The following SLC24A2 variants were observed in gnomAD, a reference collection of about 807,000 sequenced individuals.
The protein encoded by SLC24A2 is sodium/potassium/calcium exchanger 2.
SLC24A2 carries 36 observed loss-of-function variants against 62.0 expected under a neutral mutation model. The ratio of observed to expected loss-of-function variants is 0.58; its 90% CI spans 0.44 to 0.77. The LOEUF is 0.77. Among genes scored for constraint, SLC24A2 ranks in the 30% least tolerant of loss-of-function variants. SLC24A2 has a pLI of 0.00. For missense variants in SLC24A2, 846 were observed against 817.9 expected (o/e 1.03, Z -0.42); for synonymous variants, 358 against 294.0 (o/e 1.22, Z -2.23).
the SLC24A2 span, among the ~76,000 whole-genome samples, chr9:20,047,633 C>T: frequency 7.1e-6 from 1 of 141,340 alleles, no homozygotes; most frequent in South Asian, 2.4e-4. Context: ...CTGGTGACAG[C>T]CCACTACCTC....
At chr9:19,932,057 G>A in the SLC24A2 span, among the ~76,000 whole-genome samples, 4 of 151,922 alleles carry the variant, frequency 2.6e-5, no homozygotes, top group East Asian at 1.9e-4. Context: ...TCATGTATTC[G>A]CATACCACAA....
chr9:19,759,423 T>G (rs535423593), intron 2 of SLC24A2, among the ~76,000 whole-genome samples: 6 of 152,332 alleles, frequency 3.9e-5, no homozygotes, highest in African/African-American at 1.4e-4. Context: ...TGCCAGCTTT[T>G]CAACTGCAAA....
the SLC24A2 span, among the ~76,000 whole-genome samples, chr9:19,893,748 C>T: frequency 5.9e-5 from 9 of 152,124 alleles, no homozygotes; most frequent in African/African-American, 2.2e-4. Flanking sequence ...GACAGGAACA[C>T]AAGATTGGCT....
At chr9:20,214,720 A>T in the SLC24A2 span, among the ~76,000 whole-genome samples, 7 of 152,194 alleles carry the variant, frequency 4.6e-5, no homozygotes, top group Admixed American at 1.3e-4. Flanking sequence ...TGCTGTTATC[A>T]TTTGTCTTCC....
the SLC24A2 span, among the ~76,000 whole-genome samples, chr9:20,048,798 A>G: frequency 6.6e-6 from 1 of 151,978 alleles, no homozygotes; most frequent in Non-Finnish European, 1.5e-5. Flanking sequence ...TAAGTAGCAA[A>G]ACCAAAGTTT....
rs376027801 is a variant in SLC24A2, at chr9:19,619,549, C to A, written c.1078+35G>T. 3 of 1,521,372 alleles carry A rather than the reference C, an allele frequency of 2.0e-6. No homozygotes were observed. In the African/African-American group the frequency reaches 4.1e-5, roughly 21 times the overall value. The allele number at this position is 1,521,372 out of a possible 1,614,324, so 94.2% of individuals were successfully genotyped here. On this transcript the variant is annotated intron_variant, in intron 4 of 10. Transcript: ENST00000341998. ...GAAGCCTTTTGGCATCCTTTTCCCC[C>A]CAAACAAGTTCCCAAACCAAAGCTT... is the stretch of plus-strand genomic sequence containing the variant.
chr9:20,191,180 G>A, the SLC24A2 span, among the ~76,000 whole-genome samples: 2 of 149,684 alleles, frequency 1.3e-5, no homozygotes, highest in Non-Finnish European at 3.0e-5. Context: ...TTTTTTGCAG[G>A]ACAGACAAGA....
At position 19,728,397 on chromosome 9, in the gene SLC24A2, A is replaced by T. The variant is rs144327735; in HGVS notation, c.930+57540T>A. Among the ~76,000 whole-genome samples, 740 of 152,226 alleles carry T rather than the reference A, an allele frequency of 4.9e-3. 6 individuals are homozygous for T. Among genetic ancestry groups the T allele is most frequent in the African/African-American group, 0.017 (713 of 41,546 alleles). ...ATCTCATAAATTCAGGCAAATGGGCATTAAGGGGACTAAGCTGGCTGTTCT... is the reference window on the plus strand; with the variant it reads ...ATCTCATAAATTCAGGCAAATGGGCTTTAAGGGGACTAAGCTGGCTGTTCT... On this transcript the variant is annotated intron_variant, in intron 2 of 10. Transcript: ENST00000341998.
chr9:19,889,058 C>G, the SLC24A2 span, among the ~76,000 whole-genome samples: 1 of 152,162 alleles, frequency 6.6e-6, no homozygotes, highest in African/African-American at 2.4e-5. Flanking sequence ...TCAGTGTGAG[C>G]TAGCACAGTA....
the SLC24A2 span, among the ~76,000 whole-genome samples, chr9:20,107,846 G>A: frequency 1.3e-5 from 2 of 152,160 alleles, no homozygotes; most frequent in Non-Finnish European, 2.9e-5. Context: ...TTGACAAATG[G>A]GATCTAATTA....
At chr9:19,545,055 A>G (rs994121714) in intron 8 of SLC24A2, among the ~76,000 whole-genome samples, 14 of 152,142 alleles carry the variant, frequency 9.2e-5, no homozygotes, top group African/African-American at 3.4e-4. Context: ...CATCACTTTC[A>G]GGTACACCAA....
rs149731520 is a variant in SLC24A2, at chr9:19,671,144, T to C, written c.931-48845A>G. Among the ~76,000 whole-genome samples, 259 of 106,042 alleles carry C rather than the reference T, an allele frequency of 2.4e-3. 1 individual carries two copies. The highest frequency in any genetic ancestry group is 7.0e-3 in the African/African-American group (246 of 35,308). The allele number at this position is 106,042 out of a possible 152,430, so 69.6% of individuals were successfully genotyped here. On this transcript the variant is annotated intron_variant, in intron 2 of 10. Transcript: ENST00000341998. ...AATTTGTAGATTGCTTTTGGCAGCA[T>C]GGTCATTTTCACAATATTGATTCTA...
the SLC24A2 span, among the ~76,000 whole-genome samples, chr9:19,882,161 G>T: frequency 3.9e-5 from 6 of 152,066 alleles, no homozygotes; most frequent in Non-Finnish European, 7.4e-5. Flanking sequence ...TATTTTAGAG[G>T]CTGCTGTTAA....
chr9:19,945,806 A>G, the SLC24A2 span, among the ~76,000 whole-genome samples: 2 of 152,218 alleles, frequency 1.3e-5, no homozygotes, highest in African/African-American at 4.8e-5. Context: ...TCTTCCCATT[A>G]CAGTGTGAAT....
intron 2 of SLC24A2, among the ~76,000 whole-genome samples, chr9:19,714,793 G>A (rs980094536): frequency 2.0e-5 from 3 of 152,036 alleles, no homozygotes; most frequent in African/African-American, 7.2e-5. Flanking sequence ...TACTCATTTA[G>A]CAAGTATCCT....
the SLC24A2 span, among the ~76,000 whole-genome samples, chr9:20,183,169 G>C: frequency 1.2e-4 from 18 of 152,294 alleles, no homozygotes; most frequent in Middle Eastern, 0.014. Flanking sequence ...GGAGCATTTA[G>C]TGAGCTCTGA....
chr9:20,290,778 G>A, the SLC24A2 span, among the ~76,000 whole-genome samples: 1 of 152,212 alleles, frequency 6.6e-6, no homozygotes, highest in African/African-American at 2.4e-5. Flanking sequence ...TTGGGGTTGT[G>A]GAGAAAGGCA....
At chr9:19,546,937 G>A (rs1055873114) in intron 8 of SLC24A2, among the ~76,000 whole-genome samples, 1 of 152,124 alleles carries the variant, frequency 6.6e-6, no homozygotes, top group Admixed American at 6.5e-5. Flanking sequence ...GGGTAGGGGA[G>A]AGAATTTCCT....
At chr9:20,237,362 G>A in the SLC24A2 span, among the ~76,000 whole-genome samples, 2 of 152,318 alleles carry the variant, frequency 1.3e-5, no homozygotes, top group East Asian at 3.9e-4. Context: ...GCTGGAAAAA[G>A]TTAAGTCTAT....
Sources: gnomAD v4.1 joint callset for allele counts (sites outside exome capture counted in the v4.1 genomes callset) on GRCh38, gnomAD v4.1.1 for gene constraint, MANE v1.5 for transcripts, NCBI Gene and HGNC (gene_info 2026-07-23, HGNC 2026-07-21) for gene names.